The following RASGEF1A variants were observed in gnomAD, a reference collection of about 807,000 sequenced individuals.
The protein encoded by RASGEF1A is ras-GEF domain-containing family member 1A.
Under a neutral mutation model 56.4 loss-of-function variants are expected in RASGEF1A, and 18 were observed. The observed-to-expected ratio is 0.32, with a 90% CI of 0.22 to 0.47. The LOEUF is 0.47. RASGEF1A is among the 20% of genes least tolerant of loss of function. The pLI is 1.00. For synonymous variants in RASGEF1A, 245 were observed against 242.6 expected, an observed-to-expected ratio of 1.01 and a Z score of -0.09; for missense variants, 422 against 627.1, an observed-to-expected ratio of 0.67 and a Z score of 3.49.
intron 1 of RASGEF1A, among the ~76,000 whole-genome samples, chr10:43,259,281 C>A (rs926238394): frequency 6.6e-6 from 1 of 152,234 alleles, no homozygotes; most frequent in African/African-American, 2.4e-5. Context: ...CCTGCAAGCA[C>A]AGCGGGTAGC....
chr10:43,231,051 G>A (rs551770613), intron 1 of RASGEF1A, among the ~76,000 whole-genome samples: 97 of 152,366 alleles, frequency 6.4e-4, no homozygotes, highest in African/African-American at 2.2e-3. Context: ...ACATTACTGC[G>A]TGGTATGCAG....
intron 1 of RASGEF1A, among the ~76,000 whole-genome samples, chr10:43,242,491 GCTCCCTCTCCCT>G (rs146744740): frequency 3.3e-5 from 5 of 151,396 alleles, no homozygotes; most frequent in African/African-American, 1.2e-4. Context: ...AAAAAAAATC[GCTCCCTCTCCCT>G]CTCCCTCTCC....
At chr10:43,204,543 T>C (rs1588930219) in intron 2 of RASGEF1A, among the ~76,000 whole-genome samples, 1 of 152,208 alleles carries the variant, frequency 6.6e-6, no homozygotes, top group African/African-American at 2.4e-5. Context: ...CATGGAGCTC[T>C]TGGCCAAGGG....
chr10:43,205,624 C>G (rs902242771), intron 2 of RASGEF1A, among the ~76,000 whole-genome samples: 2 of 152,202 alleles, frequency 1.3e-5, no homozygotes, highest in African/African-American at 2.4e-5. Context: ...GAACTCAGGG[C>G]CCTGCTCGGC....
At position 43,200,327 on chromosome 10, in the gene RASGEF1A, C is replaced by T. The variant is rs909655239; in HGVS notation, c.682-71G>A. 2.1e-5 allele frequency: 29 copies of T among 1,366,066 alleles called. No individual in the cohort carries two copies. In the African/African-American group the frequency reaches 2.9e-4, roughly 14 times the overall value. 84.6% of individuals were successfully genotyped at this position (1,366,066 alleles called of 1,614,324 possible). On this transcript the variant is annotated intron_variant, in intron 5 of 12. Coordinates refer to ENST00000395810, the MANE Select transcript of RASGEF1A (RefSeq NM_145313.4). Reference sequence around the variant, plus strand: ...GAAGGGACAGCACTGCATAGGCATGCGGACAGGGAGAGGAGGAGCTGCCCA... The same window carrying T: ...GAAGGGACAGCACTGCATAGGCATGTGGACAGGGAGAGGAGGAGCTGCCCA...
chr10:43,236,189 G>A (rs139759112), intron 1 of RASGEF1A, among the ~76,000 whole-genome samples: 263 of 152,304 alleles, frequency 1.7e-3, no homozygotes, highest in African/African-American at 6.0e-3. Context: ...GAGCTTAAGC[G>A]TCAGGGAAAA....
intron 1 of RASGEF1A, chr10:43,229,816 G>C (rs1057248881): frequency 3.0e-5 from 34 of 1,132,610 alleles, no homozygotes; most frequent in Non-Finnish European, 3.4e-5. Context: ...CCGAGGGGCT[G>C]GGCTGGGGAC....
At chr10:43,230,062 C>A (rs529631750) in intron 1 of RASGEF1A, among the ~76,000 whole-genome samples, 1 of 151,622 alleles carries the variant, frequency 6.6e-6, no homozygotes, top group African/African-American at 2.4e-5. Flanking sequence ...TCGGTGCTGG[C>A]GCGCGGGGCC....
chr10:43,214,605 CAG>C (rs113049860), intron 1 of RASGEF1A, among the ~76,000 whole-genome samples: 2 of 152,270 alleles, frequency 1.3e-5, no homozygotes, highest in Middle Eastern at 3.4e-3. Context: ...CAGGAGGGGA[CAG>C]AGTCTCCTGC....
At chr10:43,215,958 G>A (rs984850629) in intron 1 of RASGEF1A, among the ~76,000 whole-genome samples, 70 of 152,230 alleles carry the variant, frequency 4.6e-4, no homozygotes, top group Admixed American at 3.9e-3. Flanking sequence ...AGGACGAGCA[G>A]AGTGAGTGGA....
chr10:43,235,465 C>T (rs927367023), intron 1 of RASGEF1A, among the ~76,000 whole-genome samples: 1 of 152,224 alleles, frequency 6.6e-6, no homozygotes, highest in South Asian at 2.1e-4. Context: ...CTCAGAGAAT[C>T]CAGGGTTTCA....
At chr10:43,216,934 C>G (rs1246516736) in intron 1 of RASGEF1A, among the ~76,000 whole-genome samples, 3 of 152,162 alleles carry the variant, frequency 2.0e-5, no homozygotes, top group Admixed American at 6.5e-5. Context: ...GCTGCGCCTC[C>G]TTTGCCGCTC....
chr10:43,247,830 G>A (rs1478060014), intron 1 of RASGEF1A, among the ~76,000 whole-genome samples: 2 of 152,122 alleles, frequency 1.3e-5, no homozygotes, highest in African/African-American at 2.4e-5. Context: ...GGGAGGCCTA[G>A]GCAGACAGAT....
At chr10:43,198,735 G>C (rs1024784252) in intron 9 of RASGEF1A, among the ~76,000 whole-genome samples, 198 bp downstream of exon 9, 12 of 152,216 alleles carry the variant, frequency 7.9e-5, no homozygotes, top group African/African-American at 2.9e-4. Context: ...GTGATGCCGG[G>C]TCTGCCTGAA....
chr10:43,219,148 A>G (rs1840174681), intron 1 of RASGEF1A, among the ~76,000 whole-genome samples: 1 of 151,624 alleles, frequency 6.6e-6, no homozygotes, highest in Admixed American at 6.6e-5. Context: ...CTGGCCTCCC[A>G]CTCCAGCCGC....
At chr10:43,232,459 T>A (rs185215825) in intron 1 of RASGEF1A, among the ~76,000 whole-genome samples, 1 of 151,994 alleles carries the variant, frequency 6.6e-6, no homozygotes, top group Non-Finnish European at 1.5e-5. Flanking sequence ...TAAACCTCTT[T>A]TCTTTATAAA....
chr10:43,203,355 G>C lies in RASGEF1A; in HGVS notation c.264C>G (p.Ala88=). Residue 88 remains alanine (A), a synonymous_variant, in exon 3 of 13, where the codon GCC becomes GCG. Coordinates refer to ENST00000395810, the MANE Select transcript of RASGEF1A (RefSeq NM_145313.4). ...RVFMPPHDLL[A]RVGQICVEQK... ...GCTCCACGCAGATCTGCCCCACGCGGGCCAGCAGGTCATGAGGGGGCATAA... is the reference window on the plus strand; with the variant it reads ...GCTCCACGCAGATCTGCCCCACGCGCGCCAGCAGGTCATGAGGGGGCATAA... The C allele has an allele frequency of 6.3e-7, 1 of 1,586,174 alleles. No homozygotes were observed. Among genetic ancestry groups the C allele is most frequent in the Non-Finnish European group, 8.6e-7 (1 of 1,166,566 alleles).
intron 1 of RASGEF1A, among the ~76,000 whole-genome samples, chr10:43,265,739 C>T (rs928274902): frequency 2.0e-5 from 3 of 152,222 alleles, no homozygotes; most frequent in African/African-American, 7.2e-5. Context: ...TGTAGCCTTT[C>T]GGCTGGAGGC....
At chr10:43,226,364 C>A (rs182222756) in intron 1 of RASGEF1A, among the ~76,000 whole-genome samples, 1 of 152,158 alleles carries the variant, frequency 6.6e-6, no homozygotes, top group African/African-American at 2.4e-5. Flanking sequence ...TTGCTTGAAC[C>A]CCAGAGGTGG....
Sources: gnomAD v4.1 joint callset for allele counts (sites outside exome capture counted in the v4.1 genomes callset) on GRCh38, gnomAD v4.1.1 for gene constraint, MANE v1.5 for transcripts, NCBI Gene and HGNC (gene_info 2026-07-23, HGNC 2026-07-21) for gene names.